The following TMTC2 variants were observed in gnomAD, a reference collection of about 807,000 sequenced individuals.
TMTC2 encodes the protein protein O-mannosyl-transferase TMTC2.
In TMTC2, 43 loss-of-function variants were observed where a neutral mutation model predicts 82.4. The observed-to-expected ratio is 0.52, with a 90% CI of 0.41 to 0.67. The LOEUF (loss-of-function observed/expected upper bound fraction) is 0.67, where lower values mean the gene tolerates loss of function less well. TMTC2 is among the 30% of genes least tolerant of loss of function. The probability of loss-of-function intolerance (pLI) is 0.00; values close to 1 mark genes in which losing one functional copy is unlikely to be tolerated. For missense variants in TMTC2, 919 were observed against 1,012.4 expected, an observed-to-expected ratio of 0.91 and a Z score of 1.25; for synonymous variants, 408 against 381.9, an observed-to-expected ratio of 1.07 and a Z score of -0.80.
At chr12:83,107,953 C>T (rs1884474098) in intron 11 of TMTC2, among the ~76,000 whole-genome samples, 1 of 152,082 alleles carries the variant, frequency 6.6e-6, no homozygotes, top group Non-Finnish European at 1.5e-5. Flanking sequence ...TCCCCCCTTG[C>T]TGTTCCTGTG....
chr12:82,795,137 T>G (rs1878654964), intron 1 of TMTC2, among the ~76,000 whole-genome samples: 1 of 151,582 alleles, frequency 6.6e-6, no homozygotes, highest in South Asian at 2.1e-4. Context: ...AAACCCCATA[T>G]CTACTAAAAA....
intron 11 of TMTC2, among the ~76,000 whole-genome samples, chr12:83,089,880 G>A (rs1220068738): frequency 1.3e-5 from 2 of 149,298 alleles, no homozygotes. Flanking sequence ...TCTCATTTTT[G>A]TCCTTCTTCA....
intron 8 of TMTC2, among the ~76,000 whole-genome samples, chr12:83,026,705 A>AGTGTGTGT (rs67900968): frequency 1.2e-3 from 170 of 143,008 alleles, no homozygotes; most frequent in Middle Eastern, 3.6e-3. Flanking sequence ...TGATTGAAGG[A>AGTGTGTGT]GTGTGTGTGT....
chr12:82,775,766 T>C (rs1337855610), intron 1 of TMTC2, among the ~76,000 whole-genome samples: 1 of 152,092 alleles, frequency 6.6e-6, no homozygotes, highest in African/African-American at 2.4e-5. Flanking sequence ...ATTTCTTCCA[T>C]TTTCAATAGC....
intron 2 of TMTC2, among the ~76,000 whole-genome samples, chr12:82,895,009 G>C (rs1054677330): frequency 4.8e-5 from 7 of 146,734 alleles, no homozygotes; most frequent in African/African-American, 1.8e-4. Flanking sequence ...GGGAGATGGG[G>C]TTTCACCACG....
At chr12:82,908,122 A>C (rs1874425133) in intron 3 of TMTC2, among the ~76,000 whole-genome samples, 1 of 152,220 alleles carries the variant, frequency 6.6e-6, no homozygotes, top group African/African-American at 2.4e-5. Flanking sequence ...ACAGAACAAA[A>C]ACAAAAGCCC....
At chr12:82,830,186 T>G (rs1043569393) in intron 1 of TMTC2, among the ~76,000 whole-genome samples, 3 of 152,204 alleles carry the variant, frequency 2.0e-5, no homozygotes, top group South Asian at 2.1e-4. Flanking sequence ...AATGCAAAAT[T>G]GGAAAATTTG....
At chr12:82,919,680 AAG>A (rs1383931622) in intron 3 of TMTC2, among the ~76,000 whole-genome samples, 1 of 152,230 alleles carries the variant, frequency 6.6e-6, no homozygotes, top group African/African-American at 2.4e-5. Flanking sequence ...AAAAGGGAGA[AAG>A]AGGAAAGAAG....
intron 8 of TMTC2, among the ~76,000 whole-genome samples, chr12:83,029,494 A>G (rs1881332281): frequency 6.6e-6 from 1 of 152,234 alleles, no homozygotes; most frequent in Admixed American, 6.5e-5. Context: ...CTTCATAACA[A>G]TAGTTTTAAA....
chr12:82,696,474 A>T (rs1190932701), intron 1 of TMTC2, among the ~76,000 whole-genome samples: 1 of 152,140 alleles, frequency 6.6e-6, no homozygotes, highest in Non-Finnish European at 1.5e-5. Flanking sequence ...TCTTTTAAAG[A>T]TACCAGTGTG....
At chr12:82,874,646 T>A (rs1872387303) in intron 2 of TMTC2, among the ~76,000 whole-genome samples, 1 of 152,162 alleles carries the variant, frequency 6.6e-6, no homozygotes, top group Non-Finnish European at 1.5e-5. Context: ...CTTTTCTCCC[T>A]TTTATCATGA....
At chr12:82,716,424 C>T (rs1327581293) in intron 1 of TMTC2, among the ~76,000 whole-genome samples, 3 of 145,426 alleles carry the variant, frequency 2.1e-5, no homozygotes, top group South Asian at 2.2e-4. Context: ...AGTGCAGTGG[C>T]GCGATCTCGA....
intron 8 of TMTC2, among the ~76,000 whole-genome samples, chr12:83,029,776 G>A (rs11115553): frequency 0.1 from 15,318 of 152,172 alleles, 1,206 homozygotes; most frequent in East Asian, 0.27. Flanking sequence ...TGGTTCAGAG[G>A]CAATAACTAG....
At position 83,103,683 on chromosome 12, in the gene TMTC2, A is replaced by G. The variant is rs377181177; in HGVS notation, c.2332-28527A>G. 9.4e-4 allele frequency among the ~76,000 whole-genome samples: 143 copies of G among 152,292 alleles called. 1 individual carries two copies. In the South Asian group the frequency reaches 0.023, roughly 25 times the overall value. On this transcript the variant is annotated intron_variant, in intron 11 of 11. Coordinates refer to ENST00000321196, the MANE Select transcript of TMTC2 (RefSeq NM_152588.3). ...GTGGGACAAATATCCAAACTGTAGT[A>G]TTCTGCCTCTGGGTCCCCCAAATTT... is the stretch of plus-strand genomic sequence containing the variant.
intron 1 of TMTC2, among the ~76,000 whole-genome samples, chr12:82,848,804 A>G (rs760135247): frequency 3.3e-5 from 5 of 152,162 alleles, no homozygotes; most frequent in Non-Finnish European, 5.9e-5. Flanking sequence ...GAATGTGTCA[A>G]TACTCAAAGT....
chr12:83,109,415 G>A (rs1884525035), intron 11 of TMTC2, among the ~76,000 whole-genome samples: 2 of 152,142 alleles, frequency 1.3e-5, no homozygotes, highest in Non-Finnish European at 2.9e-5. Context: ...AATTAGACAT[G>A]GGATCTGGGT....
At chr12:82,767,998 C>A (rs1184060279) in intron 1 of TMTC2, among the ~76,000 whole-genome samples, 1 of 151,460 alleles carries the variant, frequency 6.6e-6, no homozygotes, top group Non-Finnish European at 1.5e-5. Context: ...GTTTGTTTTT[C>A]TCCATATTAC....
At chr12:82,834,203 A>G (rs1210143698) in intron 1 of TMTC2, among the ~76,000 whole-genome samples, 2 of 152,232 alleles carry the variant, frequency 1.3e-5, no homozygotes, top group Non-Finnish European at 2.9e-5. Flanking sequence ...TAGTAATACA[A>G]TTGTTACATG....
chr12:82,708,479 T>C (rs1423061433), intron 1 of TMTC2, among the ~76,000 whole-genome samples: 1 of 152,222 alleles, frequency 6.6e-6, no homozygotes, highest in Non-Finnish European at 1.5e-5. Flanking sequence ...TAGCAGTAAG[T>C]GACTAGATGG....
Sources: gnomAD v4.1 joint callset for allele counts (sites outside exome capture counted in the v4.1 genomes callset) on GRCh38, gnomAD v4.1.1 for gene constraint, MANE v1.5 for transcripts, NCBI Gene and HGNC (gene_info 2026-07-23, HGNC 2026-07-21) for gene names.